Variants in USP19 observed in about 807,000 individuals in gnomAD.
USP19 encodes the protein ubiquitin specific peptidase 19.
A neutral mutation model predicts 144.8 loss-of-function variants in USP19; 40 were observed. The ratio of observed to expected loss-of-function variants is 0.28; its 90% CI spans 0.21 to 0.36. The LOEUF is 0.36. USP19 is among the 10% of genes least tolerant of loss of function. The pLI is 1.00. For missense variants in USP19, 1,518 were observed against 1,822.5 expected, an observed-to-expected ratio of 0.83 and a Z score of 3.04; for synonymous variants, 701 against 709.3, an observed-to-expected ratio of 0.99 and a Z score of 0.19.
At position 49,116,414 on chromosome 3, in the gene USP19, C is replaced by A. The variant is rs190395471; in HGVS notation, c.1283+37G>T. 32 of 1,614,036 alleles carry A rather than the reference C, an allele frequency of 2.0e-5. No individual in the cohort carries two copies. In the East Asian group the frequency reaches 7.1e-4, roughly 36 times the overall value. On this transcript the variant is annotated intron_variant, in intron 8 of 26. Coordinates refer to ENST00000417901, the MANE Select transcript of USP19 (RefSeq NM_001199161.2). This position sits in a 1 kb window ranked among gnomAD's most constrained non-coding sequence, Gnocchi z 5.0. ...GAAGAGCATGAGACATACTGTCCCA[C>A]CTGAGGCATTGTTTGCCCCATCATC...
In USP19 at chr3:49,108,650, G is replaced by C; in HGVS notation, c.4039-122C>G. The C allele has an allele frequency of 7.8e-7, 1 of 1,277,086 alleles. No homozygotes were observed. Among genetic ancestry groups the C allele is most frequent in the Non-Finnish European group, 9.9e-7 (1 of 1,009,906 alleles). 79.1% of individuals were successfully genotyped at this position (1,277,086 alleles called of 1,614,324 possible). On this transcript the variant is annotated intron_variant, in intron 26 of 26. Transcript: ENST00000417901. The surrounding 1 kb of genome is among the most constrained non-coding windows in gnomAD (Gnocchi z 4.8). ...TCCCAAGGCAGGCGCAGACAGCAGC[G>C]GCGTTGAGACAGAGAGACGAGATTG...
rs186556853 is a variant in USP19, at chr3:49,117,321, C to T, written c.647G>A (p.Arg216Gln). 187 of 1,585,520 alleles carry T rather than the reference C, an allele frequency of 1.2e-4. 1 individual carries two copies. Among genetic ancestry groups the T allele is most frequent in the Non-Finnish European group, 1.3e-4 (150 of 1,162,880 alleles). ...CAGTTCCTGCCCATTCTCCTGGCAC[C>T]GCAGCCCCGGCACCAGCTCCTGGGT... Reference protein sequence around the residue: ...LGTQELVPGLRCQENGQELSP... With the variant: ...LGTQELVPGLQCQENGQELSP... Residue 216 changes from arginine to glutamine, a missense_variant, in exon 6 of 27, where the codon CGG (arginine) becomes CAG (glutamine). Arg to Gln is a conservative substitution (Grantham distance 43). This residue lies in a region of USP19 where 707 missense variants were observed against 728.9 expected (regional missense o/e 0.97). Transcript: ENST00000417901. This position sits in a 1 kb window ranked among gnomAD's most constrained non-coding sequence, Gnocchi z 4.4.
rs1389173350 is a variant in USP19 at position 49,112,364 on chromosome 3, T to C, written c.2685A>G (p.Ala895=). The C allele has an allele frequency of 6.2e-7, 1 of 1,614,052 alleles. No homozygotes were observed. The highest frequency in any genetic ancestry group is 1.7e-5 in the Admixed American group (1 of 60,016). The part of the protein sequence containing the change: ...QVPSVPISKC[A]ACQRKQQSED... ...CCGACTGTTGCTTCCGCTGGCAGGC[T>C]GCACACTTGGAGATGGGGACGCTGG... is the stretch of plus-strand genomic sequence containing the variant. The change falls in exon 19 of 27, where the codon GCA becomes GCG. Residue 895 remains alanine (A), a synonymous_variant. Transcript: ENST00000417901. This position sits in a 1 kb window ranked among gnomAD's most constrained non-coding sequence, Gnocchi z 4.9.
At chr3:49,109,139 G>A in intron 26 of USP19, 1 of 1,522,618 alleles carries the variant, frequency 6.6e-7, no homozygotes. Flanking sequence ...AGACCCCTCA[G>A]GCACCGGCTC....
rs202213959 is a variant in USP19 at position 49,112,081 on chromosome 3, T to C, written c.2766-33A>G. ...GAAGAGGAAGACAAGGATAGGCCCT[T>C]AGCCCCATCTCCTATGACTCCATAC... On this transcript the variant is annotated intron_variant, in intron 19 of 26. Transcript: ENST00000417901. This position sits in a 1 kb window ranked among gnomAD's most constrained non-coding sequence, Gnocchi z 4.9. 4.3e-5 allele frequency: 69 copies of C among 1,610,366 alleles called. No individual in the cohort carries two copies. The Admixed American group carries it at 1.1e-3, about 27-fold the overall frequency.
rs2044349871 is a variant in USP19, at chr3:49,117,453, G to A, written c.590C>T (p.Thr197Met). Reference sequence around the variant, plus strand: ...AGAACTCACCAGGAGGGAGGGCCACGTGAGCATAGGCACCTTTTTGGGCAG... The same window carrying A: ...AGAACTCACCAGGAGGGAGGGCCACATGAGCATAGGCACCTTTTTGGGCAG... ...LTLPKKVPML[T>M]WPSLLKKPLG... Residue 197 changes from threonine (T) to methionine (M), a missense_variant, in exon 5 of 27, where the codon ACG (threonine) becomes ATG (methionine). Physicochemically the swap from Thr to Met is moderately conservative, Grantham distance 81. Coordinates refer to ENST00000417901, the MANE Select transcript of USP19 (RefSeq NM_001199161.2). The surrounding 1 kb of genome is among the most constrained non-coding windows in gnomAD (Gnocchi z 4.4). The A allele has an allele frequency of 5.0e-6, 8 of 1,614,008 alleles. No homozygotes were observed. The highest frequency in any genetic ancestry group is 2.2e-5 in the South Asian group (2 of 91,092).
In USP19 at chr3:49,115,492, C is replaced by T. The variant is rs753132802; in HGVS notation, c.1840G>A (p.Val614Ile). 5 of 1,614,212 alleles carry T rather than the reference C, an allele frequency of 3.1e-6. No individual in the cohort carries two copies. The highest frequency in any genetic ancestry group is 2.2e-5 in the East Asian group (1 of 44,888). Residue 614 changes from valine (V) to isoleucine (I), a missense_variant, in exon 12 of 27, where the codon GTC becomes ATC. Val to Ile is a conservative substitution (Grantham distance 29, BLOSUM62 3). This residue lies in a region of USP19 where 158 missense variants were observed against 277.3 expected (regional missense o/e 0.57). Transcript: ENST00000417901. This position sits in a 1 kb window ranked among gnomAD's most constrained non-coding sequence, Gnocchi z 6.6. ...CGAGTGTTGGACAGAGACTGAATGACGCTGTTCATGAAGCAGGTGTTGCCT... is the reference window on the plus strand; with the variant it reads ...CGAGTGTTGGACAGAGACTGAATGATGCTGTTCATGAAGCAGGTGTTGCCT... ...NLGNTCFMNS[V>I]IQSLSNTREL... is the part of the protein sequence containing the mutation.
chr3:49,118,266 T>TAAAAA, intron 2 of USP19, 146 bp from the exon 3 acceptor site: 1 of 216,592 alleles, frequency 4.6e-6, no homozygotes. Context: ...ACCCTGCCTT[T>TAAAAA]AAAAAAAAAA....
At position 49,119,013 on chromosome 3, in the gene USP19, C is replaced by T. The variant is rs1483465331; in HGVS notation, c.124+9G>A. ...AAGGCCACAATTACTCTGGGAATGC[C>T]ACTCCCACCTTTCCTAGGATCTCCA... On this transcript the variant is annotated intron_variant, in intron 2 of 26. Coordinates refer to ENST00000417901, the MANE Select transcript of USP19 (RefSeq NM_001199161.2). 1 of 1,613,718 alleles carries T rather than the reference C, an allele frequency of 6.2e-7. No homozygotes were observed. The highest frequency in any genetic ancestry group is 8.5e-7 in the Non-Finnish European group (1 of 1,179,870).
Position 49,115,416 on chromosome 3 carries a change from T to C in USP19, c.1888+28A>G. 1.2e-6 allele frequency: 2 copies of C among 1,613,756 alleles called. No individual in the cohort carries two copies. The highest frequency in any genetic ancestry group is 1.7e-6 in the Non-Finnish European group (2 of 1,179,674). On this transcript the variant is annotated intron_variant, in intron 12 of 26. Coordinates refer to ENST00000417901, the MANE Select transcript of USP19 (RefSeq NM_001199161.2). The surrounding 1 kb of genome is among the most constrained non-coding windows in gnomAD (Gnocchi z 6.6). ...GGAACAAAGGCACTCTCTCTGCCCATAACCCAGGCTCCAGGCCCTGCCCTC... is the reference window on the plus strand; with the variant it reads ...GGAACAAAGGCACTCTCTCTGCCCACAACCCAGGCTCCAGGCCCTGCCCTC...
Position 49,108,975 on chromosome 3 carries a change from G to A in USP19, c.4039-447C>T, listed in dbSNP as rs2042718901. 2 of 1,611,512 alleles carry A rather than the reference G, an allele frequency of 1.2e-6. No homozygotes were observed. Among genetic ancestry groups the A allele is most frequent in the Non-Finnish European group, 1.7e-6 (2 of 1,178,810 alleles). On this transcript the variant is annotated intron_variant, in intron 26 of 26. Coordinates refer to ENST00000417901, the MANE Select transcript of USP19 (RefSeq NM_001199161.2). This position sits in a 1 kb window ranked among gnomAD's most constrained non-coding sequence, Gnocchi z 4.8. ...AGGCGAGCTCATCTCCAGCGACTCT[G>A]GGATACCAGAGGATAGAACACGTTG...
At position 49,112,473 on chromosome 3, in the gene USP19, G is replaced by A. The variant is rs371758388; in HGVS notation, c.2646+16C>T. ...ACCCACCAGGGCGCTGTGCCATCAGGTTGGCCCCCACTCACCTGTTGCACC... is the reference window on the plus strand; with the variant it reads ...ACCCACCAGGGCGCTGTGCCATCAGATTGGCCCCCACTCACCTGTTGCACC... On this transcript the variant is annotated intron_variant, in intron 18 of 26. Transcript: ENST00000417901. This position sits in a 1 kb window ranked among gnomAD's most constrained non-coding sequence, Gnocchi z 4.9. The A allele has an allele frequency of 1.4e-5, 22 of 1,613,666 alleles. No individual in the cohort carries two copies. Among genetic ancestry groups the A allele is most frequent in the African/African-American group, 5.3e-5 (4 of 75,006 alleles).
In USP19 at chr3:49,111,408, G is replaced by A; in HGVS notation, c.3218-43C>T. On this transcript the variant is annotated intron_variant, in intron 21 of 26. Coordinates refer to ENST00000417901, the MANE Select transcript of USP19 (RefSeq NM_001199161.2). This position sits in a 1 kb window ranked among gnomAD's most constrained non-coding sequence, Gnocchi z 5.9. ...AATCAAAGCTTCCCTGCCCATCAGG[G>A]CCTCACCAGGCCCACCAGGCCCTAA... is the stretch of plus-strand genomic sequence containing the variant. The A allele has an allele frequency of 1.2e-6, 2 of 1,613,562 alleles. No homozygotes were observed. The highest frequency in any genetic ancestry group is 1.7e-6 in the Non-Finnish European group (2 of 1,179,770).
Position 49,117,275 on chromosome 3 carries a change from T to C in USP19, c.693A>G (p.Pro231=). 2 of 1,571,740 alleles carry C rather than the reference T, an allele frequency of 1.3e-6. No homozygotes were observed. The highest frequency in any genetic ancestry group is 1.7e-6 in the Non-Finnish European group (2 of 1,158,252). ...GCTTAGCCCGGTGGGGCTCAGGGCC[T>C]GGCTCCAGGGCAATGGGAGACAGTT... ...GQELSPIALE[P]GPEPHRAKQE... is the part of the protein sequence containing the mutation. Residue 231 remains proline, a synonymous_variant, in exon 6 of 27, where the codon CCA becomes CCG. Transcript: ENST00000417901. The surrounding 1 kb of genome is among the most constrained non-coding windows in gnomAD (Gnocchi z 4.4).
intron 2 of USP19, among the ~76,000 whole-genome samples, chr3:49,118,376 T>C (rs1029919515): frequency 1.3e-5 from 2 of 151,892 alleles, no homozygotes; most frequent in Non-Finnish European, 2.9e-5. Flanking sequence ...GTGACCAGTC[T>C]GGCCAACATG....
At position 49,117,209 on chromosome 3, in the gene USP19, C is replaced by T. The variant is rs955691783; in HGVS notation, c.759G>A (p.Glu253=). Residue 253 remains glutamate (E), a synonymous_variant, in exon 6 of 27, where the codon GAG becomes GAA. Coordinates refer to ENST00000417901, the MANE Select transcript of USP19 (RefSeq NM_001199161.2). The surrounding 1 kb of genome is among the most constrained non-coding windows in gnomAD (Gnocchi z 4.4). The part of the protein sequence containing the change: ...RNQKRAQGRG[E]VGAGAGPGAQ... ...CCCCGGGGCCAGCCCCTGCGCCTAC[C>T]TCACCACGGCCCTGGGCCCGCTTCT... 4.5e-6 allele frequency: 7 copies of T among 1,548,214 alleles called. No homozygotes were observed. In the African/African-American group the frequency reaches 5.5e-5, roughly 12 times the overall value.
chr3:49,113,482 G>GT (rs1262582501), intron 17 of USP19, among the ~76,000 whole-genome samples: 1 of 152,164 alleles, frequency 6.6e-6, no homozygotes, highest in Non-Finnish European at 1.5e-5. Flanking sequence ...GTTTCACCAT[G>GT]TAAGCCAGGG....
chr3:49,112,191 G>A lies in USP19; in HGVS notation c.2765+93C>T. ...GGTAAAGTAGGGTGGCAAGTAGAAA[G>A]CTTAAGCATATGTGCCTTGGTGTGA... On this transcript the variant is annotated intron_variant, in intron 19 of 26. Coordinates refer to ENST00000417901, the MANE Select transcript of USP19 (RefSeq NM_001199161.2). The surrounding 1 kb of genome is among the most constrained non-coding windows in gnomAD (Gnocchi z 4.9). The A allele has an allele frequency of 1.3e-6, 2 of 1,545,770 alleles. No individual in the cohort carries two copies. The highest frequency in any genetic ancestry group is 1.2e-5 in the South Asian group (1 of 84,236).
rs768798930 is a variant in USP19 at position 49,117,479 on chromosome 3, T to C, written c.564A>G (p.Thr188=). Residue 188 remains threonine, a synonymous_variant, in exon 5 of 27, where the codon ACA becomes ACG. Transcript: ENST00000417901. This position sits in a 1 kb window ranked among gnomAD's most constrained non-coding sequence, Gnocchi z 4.4. ...QTRKGSLLHL[T]LPKKVPMLTW... is the part of the protein sequence containing the mutation. ...TGAGCATAGGCACCTTTTTGGGCAG[T>C]GTCAGGTGCAGGAGACTGCCCTTGC... The C allele has an allele frequency of 1.2e-6, 2 of 1,614,134 alleles. No homozygotes were observed. Among genetic ancestry groups the C allele is most frequent in the Admixed American group, 3.3e-5 (2 of 60,030 alleles).
Sources: allele counts gnomAD v4.1 joint callset (sites outside exome capture counted in the v4.1 genomes callset), GRCh38; gene constraint gnomAD v4.1.1; regional missense constraint gnomAD v4.1.1; non-coding constraint Gnocchi (gnomAD v3.1); transcripts MANE v1.5; gene names NCBI Gene and HGNC (gene_info 2026-07-23, HGNC 2026-07-21).